GRID1: variants seen among roughly 807,000 people sequenced by gnomAD.
GRID1 encodes the protein glutamate receptor ionotropic, delta-1.
GRID1 carries 28 observed loss-of-function variants against 98.0 expected under a neutral mutation model. The observed-to-expected ratio is 0.29, with a 90% CI of 0.21 to 0.39. The LOEUF (loss-of-function observed/expected upper bound fraction) is 0.39, where lower values mean the gene tolerates loss of function less well. GRID1 is among the 10% of genes least tolerant of loss of function. The pLI, the probability that GRID1 is intolerant of heterozygous loss-of-function variation, is 1.00. For missense variants in GRID1, 1,111 were observed against 1,340.5 expected, an observed-to-expected ratio of 0.83 and a Z score of 2.67; for synonymous variants, 553 against 538.5, an observed-to-expected ratio of 1.03 and a Z score of -0.37.
intron 8 of GRID1, among the ~76,000 whole-genome samples, chr10:85,810,759 G>C (rs1842664613): frequency 6.6e-6 from 1 of 152,154 alleles, no homozygotes. Flanking sequence ...ACATATGCCT[G>C]AACTGGCTTA....
At chr10:85,859,299 G>A (rs2131784476) in intron 6 of GRID1, among the ~76,000 whole-genome samples, 1 of 152,280 alleles carries the variant, frequency 6.6e-6, no homozygotes, top group South Asian at 2.1e-4. Context: ...ATAGATGAGT[G>A]TGTAGATGTA....
At chr10:85,667,348 C>T (rs541232535) in intron 12 of GRID1, among the ~76,000 whole-genome samples, 57 of 143,220 alleles carry the variant, frequency 4.0e-4, no homozygotes, top group Middle Eastern at 3.7e-3. Context: ...GAGAGAGAGA[C>T]GAACAATGTC....
chr10:85,625,067 A>C (rs57275803), intron 13 of GRID1, among the ~76,000 whole-genome samples: 8,154 of 152,284 alleles, frequency 0.054, 407 homozygotes, highest in African/African-American at 0.13. Flanking sequence ...ACAGATTATT[A>C]TTGATAGATA....
chr10:85,910,706 C>A (rs956838230), intron 5 of GRID1, among the ~76,000 whole-genome samples: 4 of 152,200 alleles, frequency 2.6e-5, no homozygotes, highest in Non-Finnish European at 5.9e-5. Context: ...ACCCAGTGAG[C>A]TCTTCTGTGT....
At chr10:85,836,429 A>G (rs1245575467) in intron 8 of GRID1, among the ~76,000 whole-genome samples, 2 of 152,138 alleles carry the variant, frequency 1.3e-5, no homozygotes, top group African/African-American at 4.8e-5. Context: ...AGGGCTACTG[A>G]GCCCTGGGAT....
intron 4 of GRID1, among the ~76,000 whole-genome samples, chr10:85,940,087 A>AG (rs1293051296): frequency 2.9e-5 from 4 of 137,342 alleles, no homozygotes; most frequent in Admixed American, 7.5e-5. Flanking sequence ...AAAAAAAAAA[A>AG]AGAGAGAGAG....
chr10:86,300,829 G>GAATGCACCT (rs886177661), intron 2 of GRID1, among the ~76,000 whole-genome samples: 1 of 152,186 alleles, frequency 6.6e-6, no homozygotes, highest in Non-Finnish European at 1.5e-5. Context: ...CCCACCTGGA[G>GAATGCACCT]AATGCACCTA....
chr10:86,032,340 T>C (rs561619611), intron 4 of GRID1, among the ~76,000 whole-genome samples: 7 of 152,238 alleles, frequency 4.6e-5, no homozygotes, highest in African/African-American at 1.4e-4. Flanking sequence ...CAGCAGCTCA[T>C]TGAGAACGGG....
intron 8 of GRID1, among the ~76,000 whole-genome samples, chr10:85,824,569 C>A (rs1842802089): frequency 6.6e-6 from 1 of 152,106 alleles, no homozygotes; most frequent in African/African-American, 2.4e-5. Context: ...AATAGCTTTT[C>A]AGGTACAAGT....
intron 8 of GRID1, among the ~76,000 whole-genome samples, chr10:85,854,038 C>T (rs548755103): frequency 1.3e-5 from 2 of 152,316 alleles, no homozygotes; most frequent in African/African-American, 4.8e-5. Flanking sequence ...TGGCATTTTC[C>T]AATTTCCACC....
chr10:86,213,746 C>T (rs972060947), intron 2 of GRID1, among the ~76,000 whole-genome samples: 1 of 151,772 alleles, frequency 6.6e-6, no homozygotes, highest in Admixed American at 6.6e-5. Context: ...CTGACCCCCA[C>T]CCACCCATCT....
chr10:85,833,751 G>A (rs1842889834), intron 8 of GRID1, among the ~76,000 whole-genome samples: 1 of 152,052 alleles, frequency 6.6e-6, no homozygotes, highest in Admixed American at 6.6e-5. Context: ...TGAAACAAAA[G>A]GTAGAAAATC....
chr10:85,622,091 G>A (rs1590163420), intron 13 of GRID1, among the ~76,000 whole-genome samples: 1 of 152,276 alleles, frequency 6.6e-6, no homozygotes, highest in South Asian at 2.1e-4. Flanking sequence ...GGACTCCAAG[G>A]AAAGCCTGAT....
intron 12 of GRID1, among the ~76,000 whole-genome samples, chr10:85,665,474 G>C (rs553686170): frequency 2.0e-5 from 3 of 152,260 alleles, no homozygotes; most frequent in Non-Finnish European, 4.4e-5. Flanking sequence ...GCAGGTTCCA[G>C]GCACTTTACC....
chr10:85,734,964 G>A (rs774625516), intron 8 of GRID1, among the ~76,000 whole-genome samples: 2 of 152,200 alleles, frequency 1.3e-5, no homozygotes, highest in Non-Finnish European at 2.9e-5. Flanking sequence ...GAGGGGGTCT[G>A]GCGCTCGCCA....
chr10:85,906,049 G>C (rs1326755157), intron 5 of GRID1, among the ~76,000 whole-genome samples: 3 of 151,962 alleles, frequency 2.0e-5, no homozygotes, highest in African/African-American at 4.8e-5. Flanking sequence ...TTAAAAGTAA[G>C]ACAGTGAAAA....
intron 3 of GRID1, among the ~76,000 whole-genome samples, chr10:86,148,481 A>G (rs1845117285): frequency 6.6e-6 from 1 of 152,220 alleles, no homozygotes; most frequent in Non-Finnish European, 1.5e-5. Context: ...GGGACTGGGG[A>G]GATGCTGGTC....
At chr10:86,334,910 GT>G (rs1848202562) in intron 2 of GRID1, among the ~76,000 whole-genome samples, 1 of 152,346 alleles carries the variant, frequency 6.6e-6, no homozygotes, top group East Asian at 1.9e-4. Context: ...AGGTAAACCT[GT>G]CAAGTGGCAT....
chr10:86,113,621 G>A (rs1016885995), intron 4 of GRID1, among the ~76,000 whole-genome samples: 17 of 152,208 alleles, frequency 1.1e-4, no homozygotes, highest in African/African-American at 4.1e-4. Context: ...AGTTCCATAG[G>A]TGTGGTGGCC....
Sources: gnomAD v4.1 joint callset for allele counts (sites outside exome capture counted in the v4.1 genomes callset) on GRCh38, gnomAD v4.1.1 for gene constraint, MANE v1.5 for transcripts, NCBI Gene and HGNC (gene_info 2026-07-23, HGNC 2026-07-21) for gene names.